Variants in SLC25A21 observed in about 807,000 individuals in gnomAD.
The protein encoded by SLC25A21 is solute carrier family 25 member 21.
In SLC25A21, 47 loss-of-function variants were observed where a neutral mutation model predicts 43.8. That is an observed-to-expected ratio of 1.07 (90% CI 0.85 to 1.37). The LOEUF (loss-of-function observed/expected upper bound fraction) is 1.37, where lower values mean the gene tolerates loss of function less well. Among genes scored for constraint, SLC25A21 ranks in the 40% most tolerant of loss-of-function variants. SLC25A21 has a pLI of 0.00. For synonymous variants in SLC25A21, 131 were observed against 121.3 expected, an observed-to-expected ratio of 1.08 and a Z score of -0.52; for missense variants, 352 against 350.2, an observed-to-expected ratio of 1.00 and a Z score of -0.04.
intron 2 of SLC25A21, among the ~76,000 whole-genome samples, chr14:36,872,206 A>G (rs1418020385): frequency 2.0e-5 from 3 of 152,216 alleles, no homozygotes; most frequent in Non-Finnish European, 4.4e-5. Flanking sequence ...CTCATTTTCC[A>G]CAATATCTCA....
intron 3 of SLC25A21, among the ~76,000 whole-genome samples, chr14:36,797,934 AC>A (rs1350148438): frequency 1.3e-5 from 2 of 152,186 alleles, no homozygotes; most frequent in Non-Finnish European, 2.9e-5. Flanking sequence ...TGGTGGTTTT[AC>A]CTTTGCTGTC....
intron 6 of SLC25A21, among the ~76,000 whole-genome samples, chr14:36,717,557 T>A (rs1437070432): frequency 6.6e-6 from 1 of 152,208 alleles, no homozygotes; most frequent in Non-Finnish European, 1.5e-5. Flanking sequence ...GAGACGCTCA[T>A]GCTGTGCCTT....
intron 2 of SLC25A21, among the ~76,000 whole-genome samples, chr14:36,837,511 G>C (rs1372760403): frequency 6.6e-6 from 1 of 152,144 alleles, no homozygotes; most frequent in Non-Finnish European, 1.5e-5. Context: ...GAGGACAAGA[G>C]GTTAGGTGAT....
chr14:36,876,435 C>T (rs1890526086), intron 1 of SLC25A21, among the ~76,000 whole-genome samples: 1 of 152,134 alleles, frequency 6.6e-6, no homozygotes, highest in Non-Finnish European at 1.5e-5. Context: ...AAGTCAAGCA[C>T]CCAGTTGGAG....
chr14:36,995,348 G>C (rs1960349708), intron 1 of SLC25A21, among the ~76,000 whole-genome samples: 1 of 152,014 alleles, frequency 6.6e-6, no homozygotes, highest in South Asian at 2.1e-4. Flanking sequence ...TGGTCGTTTT[G>C]CTTATAAGAC....
intron 1 of SLC25A21, among the ~76,000 whole-genome samples, chr14:37,112,309 A>T (rs1292009437): frequency 1.3e-5 from 2 of 152,136 alleles, no homozygotes; most frequent in Admixed American, 6.5e-5. Flanking sequence ...TTTACATTGA[A>T]CATTCTCATT....
intron 6 of SLC25A21, among the ~76,000 whole-genome samples, chr14:36,716,713 T>C (rs1231373168): frequency 6.6e-6 from 1 of 152,242 alleles, no homozygotes; most frequent in East Asian, 1.9e-4. Flanking sequence ...AGTTCTTCCA[T>C]CTGACTACTG....
chr14:36,900,480 C>T (rs796633305), intron 1 of SLC25A21, among the ~76,000 whole-genome samples: 1 of 152,238 alleles, frequency 6.6e-6, no homozygotes, highest in African/African-American at 2.4e-5. Flanking sequence ...CTGCTTCCTA[C>T]CCTATCTAAC....
intron 1 of SLC25A21, among the ~76,000 whole-genome samples, chr14:36,882,417 C>T (rs918975031): frequency 5.9e-5 from 9 of 152,044 alleles, no homozygotes; most frequent in Non-Finnish European, 8.8e-5. Context: ...ATACAATACT[C>T]TGTCTCTCCA....
At chr14:36,927,594 C>G (rs1211038895) in intron 1 of SLC25A21, among the ~76,000 whole-genome samples, 1 of 152,106 alleles carries the variant, frequency 6.6e-6, no homozygotes, top group Non-Finnish European at 1.5e-5. Context: ...AAATGGTGAC[C>G]ATGTCTCCAT....
intron 1 of SLC25A21, among the ~76,000 whole-genome samples, chr14:37,123,636 A>G (rs1392660314): frequency 6.6e-6 from 1 of 152,210 alleles, no homozygotes; most frequent in Non-Finnish European, 1.5e-5. Context: ...AAAATGACAG[A>G]AATATTCTTA....
intron 2 of SLC25A21, among the ~76,000 whole-genome samples, chr14:36,836,755 T>C (rs1889223318): frequency 6.6e-6 from 1 of 152,128 alleles, no homozygotes; most frequent in Non-Finnish European, 1.5e-5. Context: ...AAAAAGTTTG[T>C]AGTTAAGAAA....
chr14:36,811,628 C>T (rs1007076796), intron 3 of SLC25A21, among the ~76,000 whole-genome samples: 2 of 151,774 alleles, frequency 1.3e-5, no homozygotes, highest in African/African-American at 2.4e-5. Flanking sequence ...CTCCAGCCTG[C>T]GTAACAGAGT....
intron 1 of SLC25A21, among the ~76,000 whole-genome samples, chr14:36,901,717 A>G (rs530272615): frequency 1.3e-4 from 20 of 152,308 alleles, no homozygotes; most frequent in Non-Finnish European, 2.5e-4. Context: ...CATAATATAG[A>G]ATTCTGCTTT....
chr14:37,042,633 TG>T (rs1961498850), intron 1 of SLC25A21, among the ~76,000 whole-genome samples: 1 of 152,206 alleles, frequency 6.6e-6, no homozygotes, highest in African/African-American at 2.4e-5. Context: ...AAAGCATTCT[TG>T]ACATTACAAG....
At chr14:36,986,599 A>C (rs946138155) in intron 1 of SLC25A21, among the ~76,000 whole-genome samples, 3 of 152,140 alleles carry the variant, frequency 2.0e-5, no homozygotes, top group African/African-American at 7.2e-5. Context: ...AGAGGATCTT[A>C]GTTAATCCAG....
chr14:37,072,576 G>A (rs546310059), intron 1 of SLC25A21, among the ~76,000 whole-genome samples: 2 of 152,244 alleles, frequency 1.3e-5, no homozygotes, highest in East Asian at 3.9e-4. Flanking sequence ...CTAACATGCT[G>A]TCTCTACTAA....
At chr14:36,883,178 T>C (rs529685593) in intron 1 of SLC25A21, among the ~76,000 whole-genome samples, 4 of 152,274 alleles carry the variant, frequency 2.6e-5, no homozygotes, top group South Asian at 2.1e-4. Context: ...AGACGAAAGC[T>C]ACCTGTAACC....
At chr14:36,694,125 A>G (rs970153390) in intron 7 of SLC25A21, among the ~76,000 whole-genome samples, 4 of 145,884 alleles carry the variant, frequency 2.7e-5, no homozygotes, top group African/African-American at 1.0e-4. Flanking sequence ...AAGTGATCTC[A>G]TTGTTCAATT....
Sources: gnomAD v4.1 joint callset for allele counts (sites outside exome capture counted in the v4.1 genomes callset) on GRCh38, gnomAD v4.1.1 for gene constraint, MANE v1.5 for transcripts, NCBI Gene and HGNC (gene_info 2026-07-23, HGNC 2026-07-21) for gene names.